GNG7: variants seen among roughly 807,000 people sequenced by gnomAD.
The protein encoded by GNG7 is guanine nucleotide-binding protein G(I)/G(S)/G(O) subunit gamma-7.
A neutral mutation model predicts 4.0 loss-of-function variants in GNG7; 1 was observed. That is an observed-to-expected ratio of 0.25 (90% CI 0.09 to 1.18). The LOEUF (loss-of-function observed/expected upper bound fraction) is 1.18. GNG7 is among the 50% of genes most tolerant of loss of function. The pLI is 0.50. For synonymous variants in GNG7, 34 were observed against 36.9 expected, an observed-to-expected ratio of 0.92 and a Z score of 0.29; for missense variants, 86 against 91.9, an observed-to-expected ratio of 0.94 and a Z score of 0.26.
rs1972678868 is a variant in GNG7, at chr19:2,513,095, C to T, written c.*1927G>A. ...GCCCGGCTGTGGCCTGTGGGAGCTG[C>T]CCGAGGTTGAGGAGTGGAGGTCACT... On this transcript the variant is annotated 3_prime_UTR_variant, in exon 5 of 5. Transcript: ENST00000382159. The T allele has an allele frequency of 2.0e-6, 2 of 985,428 alleles. No individual in the cohort carries two copies. The highest frequency in any genetic ancestry group is 3.5e-5 in the African/African-American group (2 of 57,220). 61.0% of individuals were successfully genotyped at this position (985,428 alleles called of 1,614,324 possible).
At chr19:2,623,444 C>T (rs1042984739) in intron 2 of GNG7, among the ~76,000 whole-genome samples, 1 of 152,180 alleles carries the variant, frequency 6.6e-6, no homozygotes, top group African/African-American at 2.4e-5. Flanking sequence ...TCCAAGCGTC[C>T]ATCAACAGAT....
intron 1 of GNG7, among the ~76,000 whole-genome samples, chr19:2,696,802 G>A (rs1403400244): frequency 1.3e-5 from 2 of 152,220 alleles, no homozygotes; most frequent in Non-Finnish European, 2.9e-5. Flanking sequence ...GCCAGGGCTG[G>A]GGGAGGGGGT....
intron 2 of GNG7, among the ~76,000 whole-genome samples, chr19:2,561,278 C>T (rs921030972): frequency 3.3e-5 from 5 of 152,054 alleles, no homozygotes; most frequent in African/African-American, 4.8e-5. Flanking sequence ...GTGGCTGTCA[C>T]GACTGGGGGT....
intron 2 of GNG7, among the ~76,000 whole-genome samples, chr19:2,572,031 T>C (rs773023761): frequency 5.3e-5 from 8 of 152,116 alleles, no homozygotes; most frequent in Non-Finnish European, 7.4e-5. Context: ...TTTTGTTTTG[T>C]TTTTCTTTGA....
In GNG7 at chr19:2,614,814, G is replaced by C; in HGVS notation, c.-78+31410C>G. ...TGGGCAGATAACTAGGAGCGGAATT[G>C]CTGGGTCATGTGGCGACTCCGCGTT... On this transcript the variant is annotated intron_variant, in intron 2 of 4. Transcript: ENST00000382159. This position sits in a 1 kb window ranked among gnomAD's most constrained non-coding sequence, Gnocchi z 6.0. Among the ~76,000 whole-genome samples, 1 of 152,214 alleles carries C rather than the reference G, an allele frequency of 6.6e-6. No individual in the cohort carries two copies. Among genetic ancestry groups the C allele is most frequent in the East Asian group, 1.9e-4 (1 of 5,198 alleles).
intron 2 of GNG7, among the ~76,000 whole-genome samples, chr19:2,588,828 C>G (rs1297879200): frequency 6.6e-6 from 1 of 152,158 alleles, no homozygotes; most frequent in Non-Finnish European, 1.5e-5. Flanking sequence ...CTTTTCCTCC[C>G]CGACTCCCTT....
intron 2 of GNG7, chr19:2,642,027 C>T (rs1243317068): frequency 1.3e-5 from 2 of 153,514 alleles, no homozygotes; most frequent in African/African-American, 4.8e-5. Context: ...AGCCGTTCTA[C>T]ATCAGTAGTC....
At chr19:2,639,757 A>ACGG (rs1982439163) in intron 2 of GNG7, among the ~76,000 whole-genome samples, 1 of 1,088 alleles carries the variant, frequency 9.2e-4, no homozygotes. Context: ...GAGGGGGAGG[A>ACGG]AGGAGGGGGG....
intron 2 of GNG7, among the ~76,000 whole-genome samples, chr19:2,593,676 G>A (rs1312760497): frequency 2.0e-5 from 3 of 151,552 alleles, no homozygotes; most frequent in African/African-American, 4.9e-5. Context: ...CCTGGGACAC[G>A]GAGCTTGCAG....
intron 1 of GNG7, among the ~76,000 whole-genome samples, chr19:2,654,883 G>T (rs1432519348): frequency 6.6e-6 from 1 of 152,126 alleles, no homozygotes; most frequent in Non-Finnish European, 1.5e-5. Context: ...CCCACTCCAT[G>T]CCAGGGGCAC....
intron 1 of GNG7, among the ~76,000 whole-genome samples, chr19:2,663,238 C>T (rs1983222759): frequency 6.6e-6 from 1 of 152,080 alleles, no homozygotes; most frequent in East Asian, 1.9e-4. Flanking sequence ...ATTCCCAATG[C>T]CACCATGTTG....
chr19:2,683,800 ACAGGGACGGGCCAGCTCGGG>A (rs1043186354), intron 1 of GNG7: 1 of 152,286 alleles, frequency 6.6e-6, no homozygotes, highest in African/African-American at 2.4e-5. Context: ...CGGCTCTTGC[ACAGGGACGGGCCAGCTCGGG>A]CAGGGACGGG....
At chr19:2,691,735 C>T (rs1017757803) in intron 1 of GNG7, among the ~76,000 whole-genome samples, 1 of 149,802 alleles carries the variant, frequency 6.7e-6, no homozygotes, top group Non-Finnish European at 1.5e-5. Context: ...GGCGTGGTGG[C>T]ACACGCCTGT....
rs1982256582 is a variant in GNG7, at chr19:2,634,562, C to T, written c.-78+11662G>A. Reference sequence around the variant, plus strand: ...GAGACTGTGGCAGAGCCCCTGATTTCGGCACAGCGCCCCGTAATTACTTGC... The same window carrying T: ...GAGACTGTGGCAGAGCCCCTGATTTTGGCACAGCGCCCCGTAATTACTTGC... On this transcript the variant is annotated intron_variant, in intron 2 of 4. Coordinates refer to ENST00000382159, the MANE Select transcript of GNG7 (RefSeq NM_052847.3). The surrounding 1 kb of genome is among the most constrained non-coding windows in gnomAD (Gnocchi z 5.3). Among the ~76,000 whole-genome samples, 1 of 152,038 alleles carries T rather than the reference C, an allele frequency of 6.6e-6. No homozygotes were observed. The highest frequency in any genetic ancestry group is 2.4e-5 in the African/African-American group (1 of 41,376).
At chr19:2,623,541 G>A (rs539269888) in intron 2 of GNG7, among the ~76,000 whole-genome samples, 20 of 152,280 alleles carry the variant, frequency 1.3e-4, no homozygotes, top group African/African-American at 3.9e-4. Context: ...GCTGCAACAC[G>A]GATGCACCTT....
intron 1 of GNG7, among the ~76,000 whole-genome samples, chr19:2,676,162 G>A (rs760741332): frequency 2.6e-5 from 4 of 152,182 alleles, no homozygotes; most frequent in South Asian, 2.1e-4. Flanking sequence ...GATCCTCCCC[G>A]GGAGCTTCTG....
At chr19:2,520,180 C>CAAACAAACA (rs1485651761) in intron 4 of GNG7, among the ~76,000 whole-genome samples, 1 of 151,602 alleles carries the variant, frequency 6.6e-6, no homozygotes, top group African/African-American at 2.4e-5. Flanking sequence ...GACTCCGTCT[C>CAAACAAACA]AAACAAACAA....
At chr19:2,551,695 A>C (rs948315450) in intron 3 of GNG7, among the ~76,000 whole-genome samples, 24 of 150,534 alleles carry the variant, frequency 1.6e-4, no homozygotes, top group Admixed American at 1.6e-3. Flanking sequence ...ATACACACAC[A>C]TATTTTGAGA....
intron 3 of GNG7, among the ~76,000 whole-genome samples, chr19:2,553,985 A>G (rs1979465241): frequency 1.9e-5 from 1 of 52,800 alleles, no homozygotes; most frequent in Admixed American, 2.2e-4. Flanking sequence ...TATTATATGT[A>G]ATATATATTA....
Sources: gnomAD v4.1 joint callset for allele counts (sites outside exome capture counted in the v4.1 genomes callset) on GRCh38, gnomAD v4.1.1 for gene constraint, Gnocchi (gnomAD v3.1) non-coding constraint, MANE v1.5 for transcripts, NCBI Gene and HGNC (gene_info 2026-07-23, HGNC 2026-07-21) for gene names.